The following POLQ variants were observed in gnomAD, a reference collection of about 807,000 sequenced individuals.
POLQ encodes the protein DNA polymerase theta.
Under a neutral mutation model 259.2 loss-of-function variants are expected in POLQ, and 233 were observed. That is an observed-to-expected ratio of 0.90 (90% CI 0.81 to 1.00). The LOEUF is 1.00. POLQ is among the 50% of genes least tolerant of loss of function. The pLI is 0.00. For missense variants in POLQ, 2,871 were observed against 3,051.6 expected, an observed-to-expected ratio of 0.94 and a Z score of 1.39; for synonymous variants, 1,025 against 1,048.8, an observed-to-expected ratio of 0.98 and a Z score of 0.44.
At chr3:121,457,370 C>T (rs2047750706) in intron 25 of POLQ, among the ~76,000 whole-genome samples, 1 of 152,116 alleles carries the variant, frequency 6.6e-6, no homozygotes, top group Non-Finnish European at 1.5e-5. Flanking sequence ...CAACAAAAGC[C>T]AAAATTGACA....
chr3:121,480,481 C>T (rs2047961763), intron 19 of POLQ, among the ~76,000 whole-genome samples: 1 of 151,882 alleles, frequency 6.6e-6, no homozygotes, highest in Non-Finnish European at 1.5e-5. Flanking sequence ...GCATTTAATA[C>T]CTCCTAACCA....
chr3:121,491,346 C>CAA (rs3045625), intron 15 of POLQ, among the ~76,000 whole-genome samples: 867 of 77,986 alleles, frequency 0.011, no homozygotes, highest in African/African-American at 0.013. Context: ...GAGACTGTCA[C>CAA]AAAAAAAAAA....
rs2048306907 is a variant in POLQ, at chr3:121,517,521, C to T, written c.1468+2350G>A. Among the ~76,000 whole-genome samples the T allele has an allele frequency of 2.0e-5, 3 of 152,120 alleles. No individual in the cohort carries two copies. In the South Asian group the frequency reaches 6.2e-4, roughly 32 times the overall value. On this transcript the variant is annotated intron_variant, in intron 9 of 29. Transcript: ENST00000264233. ...CACATCTTCTTAAGTATTAGTGGAG[C>T]ACGTGGCCACCCAAGCTAAAGATTA...
chr3:121,538,115 T>C (rs1203648376), intron 4 of POLQ, among the ~76,000 whole-genome samples: 2 of 152,194 alleles, frequency 1.3e-5, no homozygotes, highest in East Asian at 3.8e-4. Context: ...ATGTCAGTTT[T>C]CAATGTATTG....
intron 7 of POLQ, among the ~76,000 whole-genome samples, chr3:121,527,887 AC>A (rs2048383857): frequency 6.6e-6 from 1 of 152,216 alleles, no homozygotes; most frequent in Non-Finnish European, 1.5e-5. Context: ...TTTATGAGAC[AC>A]AAACTGCTCA....
chr3:121,508,398 G>C (rs1262229678), intron 12 of POLQ, among the ~76,000 whole-genome samples: 1 of 152,138 alleles, frequency 6.6e-6, no homozygotes, highest in Non-Finnish European at 1.5e-5. Flanking sequence ...AAGACTATCA[G>C]CCCTGAGGTG....
Position 121,432,083 on chromosome 3 carries a change from TA to T in POLQ, c.*220del. 1 of 413,540 alleles carries T rather than the reference TA, an allele frequency of 2.4e-6. No homozygotes were observed. Among genetic ancestry groups the T allele is most frequent in the Non-Finnish European group, 4.2e-6 (1 of 239,148 alleles). The allele number at this position is 413,540 out of a possible 1,614,324, so 25.6% of individuals were successfully genotyped here. On this transcript the variant is annotated 3_prime_UTR_variant, in exon 30 of 30. Coordinates refer to ENST00000264233, the MANE Select transcript of POLQ (RefSeq NM_199420.4). ...CATAGATGCTCTTTGAAAGTGAATG[TA>T]ACTATTATACTTGGTATTCTACTTC...
intron 23 of POLQ, 59 bp from the exon 24 acceptor site, chr3:121,467,699 G>A: frequency 6.6e-7 from 1 of 1,526,446 alleles, no homozygotes; most frequent in Non-Finnish European, 9.0e-7. Flanking sequence ...TATGAAAAAG[G>A]TCTGATTTTC....
intron 13 of POLQ, among the ~76,000 whole-genome samples, chr3:121,497,917 G>A (rs544957120): frequency 1.1e-4 from 17 of 152,164 alleles, no homozygotes; most frequent in African/African-American, 4.1e-4. Flanking sequence ...ACAAAAGAGA[G>A]GTAATTAAAT....
chr3:121,522,224 G>C (rs2048341619), intron 7 of POLQ, 75 bp from the exon 8 acceptor site: 1 of 869,602 alleles, frequency 1.1e-6, no homozygotes. Flanking sequence ...AATCATAATA[G>C]AGCTAAATAG....
intron 25 of POLQ, among the ~76,000 whole-genome samples, chr3:121,453,681 A>C (rs1231317858): frequency 6.6e-6 from 1 of 152,212 alleles, no homozygotes. Flanking sequence ...AGTTTAGAGA[A>C]AAAAGAGTAA....
rs553201767 is a variant in POLQ at position 121,522,144 on chromosome 3, C to A, written c.1114G>T (p.Val372Leu). ...YNLHHQAEGL[V>L]KPSECPPVIL... is the part of the protein sequence containing the mutation. Reference sequence around the variant, plus strand: ...ACTGGTGGGCATTCAGAGGGTTTCACCAATCCTGTCACAAAAAAATTATCA... The same window carrying A: ...ACTGGTGGGCATTCAGAGGGTTTCAACAATCCTGTCACAAAAAAATTATCA... Residue 372 changes from valine to leucine, a missense_variant, in exon 8 of 30, where the codon GTG becomes TTG. Transcript: ENST00000264233. 20 of 1,594,386 alleles carry A rather than the reference C, an allele frequency of 1.3e-5. No homozygotes were observed. The East Asian group carries it at 4.0e-4, about 32-fold the overall frequency.
intron 7 of POLQ, among the ~76,000 whole-genome samples, chr3:121,525,047 C>T (rs1420793798): frequency 1.3e-5 from 2 of 151,780 alleles, no homozygotes; most frequent in East Asian, 1.9e-4. Context: ...CTTGACTTCC[C>T]CAAAAGTTAA....
chr3:121,498,970 C>G (rs1231800661), intron 12 of POLQ, among the ~76,000 whole-genome samples: 1 of 152,048 alleles, frequency 6.6e-6, no homozygotes, highest in Non-Finnish European at 1.5e-5. Flanking sequence ...AATCCCAATG[C>G]TGTAGGAGGC....
At chr3:121,542,166 G>A (rs2048495155) in intron 2 of POLQ, among the ~76,000 whole-genome samples, 2 of 151,546 alleles carry the variant, frequency 1.3e-5, no homozygotes, top group Non-Finnish European at 2.9e-5. Context: ...AGAAGTGGAA[G>A]GAAAAAAGTT....
chr3:121,432,228 G>A lies in POLQ; in HGVS notation c.*76C>T. 1 of 1,365,068 alleles carries A rather than the reference G, an allele frequency of 7.3e-7. No homozygotes were observed. The highest frequency in any genetic ancestry group is 2.6e-5 in the East Asian group (1 of 38,606). The allele number at this position is 1,365,068 out of a possible 1,614,324, so 84.6% of individuals were successfully genotyped here. On this transcript the variant is annotated 3_prime_UTR_variant, in exon 30 of 30. Coordinates refer to ENST00000264233, the MANE Select transcript of POLQ (RefSeq NM_199420.4). ...GAAAGTTTGTTTTGCTGAGGTAGGT[G>A]AAAGGGTAATCTCTGTTCTTTCCAG...
chr3:121,494,900 C>T, intron 14 of POLQ: 1 of 1,523,858 alleles, frequency 6.6e-7, no homozygotes, highest in Non-Finnish European at 9.0e-7. Context: ...TGCCACTAAA[C>T]TGGGTTAAAT....
At position 121,474,948 on chromosome 3, in the gene POLQ, T is replaced by C. The variant is rs547407823; in HGVS notation, c.6406-1461A>G. 3.3e-3 allele frequency among the ~76,000 whole-genome samples: 505 copies of C among 152,334 alleles called. 6 individuals are homozygous for C. Among genetic ancestry groups the C allele is most frequent in the Middle Eastern group, 0.02 (6 of 294 alleles). On this transcript the variant is annotated intron_variant, in intron 20 of 29. Coordinates refer to ENST00000264233, the MANE Select transcript of POLQ (RefSeq NM_199420.4). ...ATGATGTTTTGATGTAAGTATACAATGTGGTGTGATTAAATTAAGCTGATT... is the reference window on the plus strand; with the variant it reads ...ATGATGTTTTGATGTAAGTATACAACGTGGTGTGATTAAATTAAGCTGATT...
At chr3:121,528,581 GATCCACCCTCCT>G (rs1239757207) in intron 7 of POLQ, among the ~76,000 whole-genome samples, 1 of 151,990 alleles carries the variant, frequency 6.6e-6, no homozygotes, top group African/African-American at 2.4e-5. Context: ...GACCTCAGGT[GATCCACCCTCCT>G]CAGCCTCCCA....
Sources: allele counts gnomAD v4.1 joint callset (sites outside exome capture counted in the v4.1 genomes callset), GRCh38; gene constraint gnomAD v4.1.1; transcripts MANE v1.5; gene names NCBI Gene and HGNC (gene_info 2026-07-23, HGNC 2026-07-21).